MCPH1: variants seen among roughly 807,000 people sequenced by gnomAD.
MCPH1 encodes microcephalin.
Under a neutral mutation model 84.5 loss-of-function variants are expected in MCPH1, and 104 were observed. The ratio of observed to expected loss-of-function variants is 1.23; its 90% CI spans 1.05 to 1.45. The LOEUF is 1.45. MCPH1 is among the 40% of genes most tolerant of loss of function. The pLI is 0.00. For missense variants in MCPH1, 1,498 were observed against 1,005.7 expected (o/e 1.49, Z -6.62); for synonymous variants, 514 against 366.8 (o/e 1.40, Z -4.58).
chr8:6,513,706 A>G, intron 12 of MCPH1: 1 of 1,612,826 alleles, frequency 6.2e-7, no homozygotes, highest in Non-Finnish European at 8.5e-7. Flanking sequence ...CTTGAGAGAT[A>G]GAAATGTTCA....
At position 6,646,612 on chromosome 8, in the gene MCPH1, T is replaced by G. The variant is rs1026475012; in HGVS notation, c.*3563T>G. ...TAGCTCAACGTGGACTATATCAGGGTTTCTCAACATCAGCAGTGTTGGCGT... is the reference window on the plus strand; with the variant it reads ...TAGCTCAACGTGGACTATATCAGGGGTTCTCAACATCAGCAGTGTTGGCGT... On this transcript the variant is annotated 3_prime_UTR_variant, in exon 14 of 14. Transcript: ENST00000344683. 1.3e-5 allele frequency: 2 copies of G among 152,164 alleles called. No homozygotes were observed. The highest frequency in any genetic ancestry group is 6.5e-5 in the Admixed American group (1 of 15,272). The allele number at this position is 152,164 out of a possible 1,614,324, so 9.4% of individuals were successfully genotyped here.
At position 6,455,142 on chromosome 8, in the gene MCPH1, G is replaced by A. The variant is rs1257552788; in HGVS notation, c.1826-1G>A. 1 of 1,612,392 alleles carries A rather than the reference G, an allele frequency of 6.2e-7. No homozygotes were observed. The highest frequency in any genetic ancestry group is 1.3e-5 in the African/African-American group (1 of 74,852). ...TAATTTTTAATCCCCTTGGGTTTTA[G>A]GTGTTAAAAATAGACCAACAAGGCA... On this transcript the variant is annotated splice_acceptor_variant, in intron 8 of 13. Coordinates refer to ENST00000344683, the MANE Select transcript of MCPH1 (RefSeq NM_024596.5). LOFTEE classifies it high-confidence loss of function.
At chr8:6,627,881 G>C (rs946707933) in intron 13 of MCPH1, among the ~76,000 whole-genome samples, 1 of 151,628 alleles carries the variant, frequency 6.6e-6, no homozygotes, top group Non-Finnish European at 1.5e-5. Context: ...GACAGAGTGA[G>C]AACCTGTCTA....
Position 6,455,733 on chromosome 8 carries a change from G to A in MCPH1, c.1935+481G>A, listed in dbSNP as rs936429295. ...CCTTGCTCTTCCTCTGAAAGACTCC[G>A]CTGATCCTCTTACATGAGTAATAGA... On this transcript the variant is annotated intron_variant, in intron 9 of 13. Transcript: ENST00000344683. 1.6e-4 allele frequency among the ~76,000 whole-genome samples: 24 copies of A among 152,120 alleles called. 1 individual carries two copies. Among genetic ancestry groups the A allele is most frequent in the East Asian group, 1.9e-4 (1 of 5,200 alleles).
At chr8:6,456,752 G>A (rs954989808) in intron 9 of MCPH1, among the ~76,000 whole-genome samples, 1 of 151,998 alleles carries the variant, frequency 6.6e-6, no homozygotes, top group East Asian at 1.9e-4. Flanking sequence ...AAAGGCATGA[G>A]GTTTGACTTT....
chr8:6,624,121 C>T (rs1831805177), intron 13 of MCPH1, among the ~76,000 whole-genome samples: 1 of 152,238 alleles, frequency 6.6e-6, no homozygotes, highest in Non-Finnish European at 1.5e-5. Flanking sequence ...TGTTTTGCCG[C>T]TCGGCTCTCC....
intron 12 of MCPH1, chr8:6,527,700 C>T (rs746579108): frequency 6.7e-5 from 106 of 1,571,038 alleles, no homozygotes; most frequent in African/African-American, 9.6e-5. Flanking sequence ...AATGAAGTTC[C>T]TATTAATTAT....
chr8:6,480,452 A>G (rs547809116), intron 10 of MCPH1, among the ~76,000 whole-genome samples: 39 of 151,960 alleles, frequency 2.6e-4, no homozygotes, highest in African/African-American at 9.4e-4. Flanking sequence ...CTCTGTCCCT[A>G]CCCAGCCCAG....
At chr8:6,424,552 G>C (rs1800774484) in intron 3 of MCPH1, among the ~76,000 whole-genome samples, 1 of 152,172 alleles carries the variant, frequency 6.6e-6, no homozygotes, top group Non-Finnish European at 1.5e-5. Context: ...CCATTCCTTA[G>C]TCTTTCACTG....
chr8:6,484,577 T>C (rs1228961486), intron 11 of MCPH1, among the ~76,000 whole-genome samples: 3 of 152,252 alleles, frequency 2.0e-5, no homozygotes, highest in Non-Finnish European at 4.4e-5. Flanking sequence ...CGCGAATATT[T>C]GTAGCAGCCT....
chr8:6,615,544 C>G (rs1213054176), intron 12 of MCPH1: 2 of 152,164 alleles, frequency 1.3e-5, no homozygotes, highest in Non-Finnish European at 2.9e-5. Context: ...GATTTTATGT[C>G]TTAGGAAGCA....
chr8:6,492,992 T>C (rs1274815304), intron 11 of MCPH1, among the ~76,000 whole-genome samples: 1 of 152,224 alleles, frequency 6.6e-6, no homozygotes, highest in African/African-American at 2.4e-5. Context: ...TTGCTCTTAG[T>C]AGCCATAATA....
rs1171709427 is a variant in MCPH1 at position 6,456,951 on chromosome 8, G to C, written c.1935+1699G>C. 3.3e-5 allele frequency among the ~76,000 whole-genome samples: 5 copies of C among 152,172 alleles called. No individual in the cohort carries two copies. In the East Asian group the frequency reaches 9.7e-4, roughly 30 times the overall value. On this transcript the variant is annotated intron_variant, in intron 9 of 13. Transcript: ENST00000344683. The stretch of plus-strand genomic sequence containing the variant: ...GTAAATGGCATATGAATGGGAGATG[G>C]GTACCTGTTTGACCTTCTGGCATTC...
intron 13 of MCPH1, among the ~76,000 whole-genome samples, chr8:6,628,157 A>G (rs1796883607): frequency 6.6e-6 from 1 of 152,084 alleles, no homozygotes. Flanking sequence ...TGTGAATTGC[A>G]TCAGAGATGT....
At chr8:6,551,228 G>C (rs536117718) in intron 12 of MCPH1, among the ~76,000 whole-genome samples, 1 of 147,674 alleles carries the variant, frequency 6.8e-6, no homozygotes, top group South Asian at 2.2e-4. Context: ...GCTTATTCGT[G>C]ATTTTTTTTT....
In MCPH1 at chr8:6,526,794, T is replaced by C. The variant is rs531102904; in HGVS notation, c.2214+26865T>C. Among the ~76,000 whole-genome samples the C allele has an allele frequency of 6.6e-5, 10 of 152,260 alleles. No homozygotes were observed. The East Asian group carries it at 1.9e-3, about 29-fold the overall frequency. On this transcript the variant is annotated intron_variant, in intron 12 of 13. Coordinates refer to ENST00000344683, the MANE Select transcript of MCPH1 (RefSeq NM_024596.5). ...CATGTCTTCATTAAAAACAAGGAAA[T>C]AGGCACACCAGGTATGTGCATAAAA...
chr8:6,450,904 G>A (rs770762006), intron 8 of MCPH1, among the ~76,000 whole-genome samples: 2 of 151,908 alleles, frequency 1.3e-5, no homozygotes, highest in African/African-American at 2.4e-5. Context: ...CACCACACTC[G>A]GCTACGTTCC....
chr8:6,626,777 T>A, intron 13 of MCPH1: 3 of 985,264 alleles, frequency 3.0e-6, no homozygotes, highest in Non-Finnish European at 3.6e-6. Flanking sequence ...CCTGGCGCGG[T>A]CCTCAAGGGT....
At chr8:6,502,986 C>G (rs190499042) in intron 12 of MCPH1, 1 of 1,278,726 alleles carries the variant, frequency 7.8e-7, no homozygotes, top group East Asian at 2.4e-5. Context: ...CCGTCAGCAC[C>G]GAGCACACGC....
Sources: gnomAD v4.1 joint callset for allele counts (sites outside exome capture counted in the v4.1 genomes callset) on GRCh38, gnomAD v4.1.1 for gene constraint, MANE v1.5 for transcripts, NCBI Gene and HGNC (gene_info 2026-07-23, HGNC 2026-07-21) for gene names.